The following PIK3R2 variants were observed in gnomAD, a reference collection of about 807,000 sequenced individuals.
PIK3R2 encodes the protein phosphatidylinositol 3-kinase regulatory subunit beta.
PIK3R2 carries 40 observed loss-of-function variants against 78.5 expected under a neutral mutation model. The observed-to-expected ratio is 0.51, with a 90% CI of 0.40 to 0.66. The LOEUF (loss-of-function observed/expected upper bound fraction) is 0.66, where lower values mean the gene tolerates loss of function less well. Ranked by LOEUF, PIK3R2 falls within the 30% of genes least tolerant of loss-of-function variation. The pLI, the probability that PIK3R2 is intolerant of heterozygous loss-of-function variation, is 0.00. For missense variants in PIK3R2, 880 were observed against 1,026.6 expected (o/e 0.86, Z 1.95); for synonymous variants, 473 against 457.7 (o/e 1.03, Z -0.43).
Position 18,169,912 on chromosome 19 carries a change from ATAAT to A in PIK3R2, c.*622_*625del, listed in dbSNP as rs927200463. On this transcript the variant is annotated 3_prime_UTR_variant, in exon 16 of 16. Transcript: ENST00000222254. ...GAGAAGTTCACCCACCCCCGAAAAA[ATAAT>A]TAAACTCGCAGGCCAGGCACGGTGG... 12 of 192,894 alleles carry A rather than the reference ATAAT, an allele frequency of 6.2e-5. No homozygotes were observed. The highest frequency in any genetic ancestry group is 8.1e-5 in the East Asian group (1 of 12,312). The allele number at this position is 192,894 out of a possible 1,614,324, so 11.9% of individuals were successfully genotyped here.
Position 18,169,166 on chromosome 19 carries a change from G to C in PIK3R2, c.2059G>C (p.Gly687Arg), listed in dbSNP as rs2043842304. The stretch of plus-strand genomic sequence containing the variant: ...CTTCGCGGAGCCCTACAACCTGTAC[G>C]GGTCGCTGAAGGAGCTGGTGCTGCA... ...FGFAEPYNLY[G>R]SLKELVLHYQ... is the part of the protein sequence containing the mutation. The change falls in exon 16 of 16, where the codon GGG (glycine) becomes CGG (arginine). Residue 687 changes from glycine to arginine, a missense_variant. Transcript: ENST00000222254. 1 of 1,611,008 alleles carries C rather than the reference G, an allele frequency of 6.2e-7. No homozygotes were observed. The highest frequency in any genetic ancestry group is 8.5e-7 in the Non-Finnish European group (1 of 1,179,810).
chr19:18,163,152 G>C lies in PIK3R2; in HGVS notation c.1290+5G>C. 6.2e-7 allele frequency: 1 copy of C among 1,613,874 alleles called. No homozygotes were observed. Among genetic ancestry groups the C allele is most frequent in the Non-Finnish European group, 8.5e-7 (1 of 1,179,820 alleles). On this transcript the variant is annotated splice_donor_5th_base_variant and intron_variant, in intron 10 of 15. Coordinates refer to ENST00000222254, the MANE Select transcript of PIK3R2 (RefSeq NM_005027.4). ...CCTGTGTCCAAATACCAGCAGGTCC[G>C]TGCTGGCCTGGGAGCCAGGGAGGGT...
rs977992638 is a variant in PIK3R2 at position 18,168,394 on chromosome 19, C to T, written c.1737-81C>T. 1 of 732,944 alleles carries T rather than the reference C, an allele frequency of 1.4e-6. No homozygotes were observed. Among genetic ancestry groups the T allele is most frequent in the Non-Finnish European group, 2.5e-6 (1 of 393,702 alleles). 45.4% of individuals were successfully genotyped at this position (732,944 alleles called of 1,614,324 possible). A position where few individuals can be genotyped will look rare whatever the true frequency, so the allele number is the denominator to read the frequency against. On this transcript the variant is annotated intron_variant, in intron 13 of 15. Transcript: ENST00000222254. This position sits in a 1 kb window ranked among gnomAD's most constrained non-coding sequence, Gnocchi z 4.1. ...CCAGAACCCTCTCTCCTCAGCCAGA[C>T]CCTGCCTCCCACCGGACAGGCCCAC...
rs753809745 is a variant in PIK3R2, at chr19:18,167,321, C to T, written c.1736+15C>T. 4 of 1,552,898 alleles carry T rather than the reference C, an allele frequency of 2.6e-6. No individual in the cohort carries two copies. In the South Asian group the frequency reaches 4.8e-5, roughly 19 times the overall value. On this transcript the variant is annotated intron_variant, in intron 13 of 15. Transcript: ENST00000222254. This position sits in a 1 kb window ranked among gnomAD's most constrained non-coding sequence, Gnocchi z 4.5. ...CAGTACCTCGTGTAAGTGGCGGCTC[C>T]ATACTTCCCTGCGGCTCCCTGGCGA...
In PIK3R2 at chr19:18,161,210, G is replaced by T. The variant is rs536421132; in HGVS notation, c.598+25G>T. The T allele has an allele frequency of 1.2e-5, 18 of 1,536,442 alleles. No individual in the cohort carries two copies. Among genetic ancestry groups the T allele is most frequent in the Non-Finnish European group, 1.6e-5 (18 of 1,142,224 alleles). On this transcript the variant is annotated intron_variant, in intron 5 of 15. Transcript: ENST00000222254. The surrounding 1 kb of genome is among the most constrained non-coding windows in gnomAD (Gnocchi z 5.3). Reference sequence around the variant, plus strand: ...GGTGAGCCTGGCGGGTAGCCCGGGGGAAGGAGGGGGCTGTAGCGGGTGGGA... The same window carrying T: ...GGTGAGCCTGGCGGGTAGCCCGGGGTAAGGAGGGGGCTGTAGCGGGTGGGA...
chr19:18,159,089 A>G (rs1453716393), intron 2 of PIK3R2, among the ~76,000 whole-genome samples: 1 of 129,936 alleles, frequency 7.7e-6, no homozygotes, highest in Non-Finnish European at 1.6e-5. Context: ...TGATATGCTC[A>G]CCTCGGCCTC....
chr19:18,167,381 C>A lies in PIK3R2; in HGVS notation c.1736+75C>A. ...CACATGGAGATCTCTCTAGGAGTCT[C>A]AGTCTCTCTCTCTCCACCAAGTGGC... On this transcript the variant is annotated intron_variant, in intron 13 of 15. Transcript: ENST00000222254. The surrounding 1 kb of genome is among the most constrained non-coding windows in gnomAD (Gnocchi z 4.5). The A allele has an allele frequency of 7.8e-7, 1 of 1,275,052 alleles. No homozygotes were observed. 79.0% of individuals were successfully genotyped at this position (1,275,052 alleles called of 1,614,324 possible). A position where few individuals can be genotyped will look rare whatever the true frequency, so the allele number is the denominator to read the frequency against.
chr19:18,163,554 A>G (rs2043775483), intron 11 of PIK3R2, among the ~76,000 whole-genome samples, 166 bp downstream of exon 11: 1 of 152,216 alleles, frequency 6.6e-6, no homozygotes, highest in Non-Finnish European at 1.5e-5. Flanking sequence ...AAATAAGGCC[A>G]GGCACAGTGG....
chr19:18,164,097 G>C (rs2147954475), intron 11 of PIK3R2, among the ~76,000 whole-genome samples: 1 of 152,230 alleles, frequency 6.6e-6, no homozygotes, highest in East Asian at 1.9e-4. Context: ...CTACACTCCA[G>C]CCTGGGTGAC....
Position 18,162,065 on chromosome 19 carries a change from A to T in PIK3R2, c.901+14A>T. On this transcript the variant is annotated intron_variant, in intron 7 of 15. Transcript: ENST00000222254. ...TTGCGCCCCCAGGTGAGTCCCCTGT[A>T]TTGCTGTCATTTCTTCCCGTTGGGG... 1.2e-6 allele frequency: 2 copies of T among 1,609,276 alleles called. No individual in the cohort carries two copies. The highest frequency in any genetic ancestry group is 8.5e-7 in the Non-Finnish European group (1 of 1,175,962).
chr19:18,168,700 C>T lies in PIK3R2; in HGVS notation c.1809-26C>T. ...GGCTGGCAGGTGAGTGACCAGGGCC[C>T]TCCCCGCCACCGCCCCCCACCCCAG... On this transcript the variant is annotated intron_variant, in intron 14 of 15. Transcript: ENST00000222254. The surrounding 1 kb of genome is among the most constrained non-coding windows in gnomAD (Gnocchi z 4.1). 1.3e-6 allele frequency: 2 copies of T among 1,585,064 alleles called. No homozygotes were observed. The highest frequency in any genetic ancestry group is 1.7e-6 in the Non-Finnish European group (2 of 1,155,418).
At position 18,168,936 on chromosome 19, in the gene PIK3R2, C is replaced by T. The variant is rs2043838447; in HGVS notation, c.1979+40C>T. On this transcript the variant is annotated intron_variant, in intron 15 of 15. Coordinates refer to ENST00000222254, the MANE Select transcript of PIK3R2 (RefSeq NM_005027.4). The surrounding 1 kb of genome is among the most constrained non-coding windows in gnomAD (Gnocchi z 4.1). ...GCGGTGGGGATTCCCGCGTCCCTCCCAGAGCTCTCATTGAATGCCTGCCGC... is the reference window on the plus strand; with the variant it reads ...GCGGTGGGGATTCCCGCGTCCCTCCTAGAGCTCTCATTGAATGCCTGCCGC... 6.3e-7 allele frequency: 1 copy of T among 1,590,456 alleles called. No homozygotes were observed. Among genetic ancestry groups the T allele is most frequent in the Non-Finnish European group, 8.6e-7 (1 of 1,166,934 alleles).
At chr19:18,155,043 G>C (rs373125129) in intron 1 of PIK3R2, among the ~76,000 whole-genome samples, 1 of 151,704 alleles carries the variant, frequency 6.6e-6, no homozygotes, top group South Asian at 2.1e-4. Flanking sequence ...GTGAAACCTC[G>C]TCTCTACTAA....
At chr19:18,159,968 G>T (rs1210231379) in intron 2 of PIK3R2, among the ~76,000 whole-genome samples, 1 of 152,136 alleles carries the variant, frequency 6.6e-6, no homozygotes. Context: ...CGAATTCCTG[G>T]CCTCAGGTGA....
chr19:18,162,362 G>T, intron 8 of PIK3R2, 46 bp from the exon 9 acceptor site: 5 of 1,597,802 alleles, frequency 3.1e-6, no homozygotes, highest in Non-Finnish European at 4.3e-6. Context: ...AGGGTGAGCG[G>T]GGTCTCCAGG....
At chr19:18,164,705 A>C (rs2043789601) in intron 11 of PIK3R2, among the ~76,000 whole-genome samples, 1 of 145,542 alleles carries the variant, frequency 6.9e-6, no homozygotes. Flanking sequence ...GCATGATCTC[A>C]GCTCACTGCA....
chr19:18,155,808 C>A lies in PIK3R2; in HGVS notation c.-72C>A. On this transcript the variant is annotated 5_prime_UTR_variant, in exon 2 of 16. Coordinates refer to ENST00000222254, the MANE Select transcript of PIK3R2 (RefSeq NM_005027.4). ...AACCCAGCGGACCCTCCCAGCCCTG[C>A]TTCAACCAATGGGGCCAGTGGGGCT... 3 of 1,402,366 alleles carry A rather than the reference C, an allele frequency of 2.1e-6. No homozygotes were observed. Among genetic ancestry groups the A allele is most frequent in the South Asian group, 1.4e-5 (1 of 70,036 alleles). 86.9% of individuals were successfully genotyped at this position (1,402,366 alleles called of 1,614,324 possible).
chr19:18,156,067 G>A lies in PIK3R2; in HGVS notation c.188G>A (p.Arg63His), dbSNP rs370434243. The change falls in exon 2 of 16, where the codon CGC (arginine) becomes CAC (histidine). Residue 63 changes from arginine (R) to histidine (H), a missense_variant. By Grantham distance (29) the Arg-to-His change is conservative. Around this residue, in one of 3 missense-constraint regions of PIK3R2, gnomAD observed 456 missense variants for 486.6 expected, o/e 0.94. Transcript: ENST00000222254. The surrounding 1 kb of genome is among the most constrained non-coding windows in gnomAD (Gnocchi z 4.2). ...SVGWMPGLNE[R>H]TRQRGDFPGT... Reference sequence around the variant, plus strand: ...GGCTGGATGCCCGGCCTCAACGAGCGCACACGGCAGCGAGGTGACTTCCCT... The same window carrying A: ...GGCTGGATGCCCGGCCTCAACGAGCACACACGGCAGCGAGGTGACTTCCCT... The A allele has an allele frequency of 5.8e-6, 9 of 1,562,544 alleles. No homozygotes were observed. Among genetic ancestry groups the A allele is most frequent in the Non-Finnish European group, 3.5e-6 (4 of 1,154,310 alleles).
In PIK3R2 at chr19:18,167,222, C is replaced by G. The variant is rs756172410; in HGVS notation, c.1652C>G (p.Ser551Trp). 55 of 1,611,914 alleles carry G rather than the reference C, an allele frequency of 3.4e-5. No homozygotes were observed. Among genetic ancestry groups the G allele is most frequent in the African/African-American group, 5.3e-5 (4 of 74,768 alleles). ...GAGCAGCAGCTGCGGGCCCAGGCCT[C>G]GGACAACAGAGAGATCGACAAGCGC... ...KLEQQLRAQA[S>W]DNREIDKRMN... The change falls in exon 13 of 16, where the codon TCG becomes TGG. Residue 551 changes from serine (S) to tryptophan (W), a missense_variant. By Grantham distance (177) the Ser-to-Trp change is radical. Around this residue, in one of 3 missense-constraint regions of PIK3R2, gnomAD observed 268 missense variants for 299.1 expected, o/e 0.90. Coordinates refer to ENST00000222254, the MANE Select transcript of PIK3R2 (RefSeq NM_005027.4). The surrounding 1 kb of genome is among the most constrained non-coding windows in gnomAD (Gnocchi z 4.5).
Sources: gnomAD v4.1 joint callset for allele counts (sites outside exome capture counted in the v4.1 genomes callset) on GRCh38, gnomAD v4.1.1 for gene constraint, gnomAD v4.1.1 regional missense constraint, Gnocchi (gnomAD v3.1) non-coding constraint, MANE v1.5 for transcripts, NCBI Gene and HGNC (gene_info 2026-07-23, HGNC 2026-07-21) for gene names.